Variants in CIMIP3 observed in about 807,000 individuals in gnomAD.
CIMIP3 encodes ciliary microtubule inner protein 3.
the CIMIP3 span, among the ~76,000 whole-genome samples, chr6:42,159,652 T>G: frequency 2.6e-5 from 4 of 152,206 alleles, no homozygotes; most frequent in African/African-American, 9.6e-5. Context: ...GCTAATCACC[T>G]GCCACCCAGC....
chr6:42,156,858 T>C, the CIMIP3 span, among the ~76,000 whole-genome samples: 45 of 152,332 alleles, frequency 3.0e-4, 1 homozygote, highest in East Asian at 6.4e-3. Context: ...CAAGGCACAT[T>C]GGACAGCACC....
At chr6:42,161,959 G>A in the CIMIP3 span, among the ~76,000 whole-genome samples, 2 of 152,050 alleles carry the variant, frequency 1.3e-5, no homozygotes, top group African/African-American at 4.8e-5. Flanking sequence ...AGCACGCAAG[G>A]CTGGGGAACA....
chr6:42,162,409 CTT>C, the CIMIP3 span, among the ~76,000 whole-genome samples: 26 of 134,754 alleles, frequency 1.9e-4, no homozygotes, highest in Admixed American at 3.1e-4. Context: ...GAGCGAAACT[CTT>C]TTTTTTTTTT....
the CIMIP3 span, among the ~76,000 whole-genome samples, chr6:42,160,610 G>C: frequency 6.6e-6 from 1 of 152,180 alleles, no homozygotes; most frequent in Non-Finnish European, 1.5e-5. Context: ...TTCAAAATGT[G>C]TGTGCCTGAC....
chr6:42,158,976 C>T, the CIMIP3 span, among the ~76,000 whole-genome samples: 17 of 152,190 alleles, frequency 1.1e-4, no homozygotes, highest in Admixed American at 8.5e-4. Flanking sequence ...CCCTCATCTT[C>T]ATGGCCCTTC....
At chr6:42,157,541 T>C in the CIMIP3 span, among the ~76,000 whole-genome samples, 3 of 150,916 alleles carry the variant, frequency 2.0e-5, no homozygotes, top group African/African-American at 4.9e-5. Context: ...TGAGCCATGG[T>C]GCCGGCTCTT....
At chr6:42,156,151 G>A in the CIMIP3 span, among the ~76,000 whole-genome samples, 13,854 of 151,768 alleles carry the variant, frequency 0.091, 730 homozygotes, top group East Asian at 0.25. Context: ...CTGCCACCAC[G>A]CCCGGCTAAT....
chr6:42,161,337 G>A, the CIMIP3 span, among the ~76,000 whole-genome samples: 2 of 152,292 alleles, frequency 1.3e-5, no homozygotes, highest in South Asian at 4.2e-4. Flanking sequence ...GGGCTGTGAG[G>A]CTGGGGGAGA....
At chr6:42,159,514 C>T in the CIMIP3 span, among the ~76,000 whole-genome samples, 1 of 152,126 alleles carries the variant, frequency 6.6e-6, no homozygotes, top group Non-Finnish European at 1.5e-5. Flanking sequence ...GTGTGTTGTT[C>T]TGTCCATGCA....
the CIMIP3 span, among the ~76,000 whole-genome samples, chr6:42,158,010 C>A: frequency 6.6e-6 from 1 of 152,304 alleles, no homozygotes; most frequent in East Asian, 1.9e-4. Context: ...GTAGCACCCA[C>A]CCCACACTGT....
chr6:42,157,488 G>C, the CIMIP3 span, among the ~76,000 whole-genome samples: 20 of 152,162 alleles, frequency 1.3e-4, no homozygotes, highest in African/African-American at 4.3e-4. Context: ...GGGCTCAAGT[G>C]ATCTGCCCAC....
At chr6:42,163,329 G>A in the CIMIP3 span, 3 of 455,976 alleles carry the variant, frequency 6.6e-6, no homozygotes, top group Non-Finnish European at 8.0e-6. Flanking sequence ...GCTGCTCACT[G>A]CAGGAGGAGT....
At chr6:42,155,519 C>T in the CIMIP3 span, 1 of 717,150 alleles carries the variant, frequency 1.4e-6, no homozygotes, top group East Asian at 2.7e-5. Context: ...GGAAGGTCAG[C>T]TCGGGGTCAC....
At chr6:42,158,454 CT>C in the CIMIP3 span, among the ~76,000 whole-genome samples, 1 of 152,216 alleles carries the variant, frequency 6.6e-6, no homozygotes. Context: ...CCTACCCCTG[CT>C]GCCCCCAGAG....
the CIMIP3 span, among the ~76,000 whole-genome samples, chr6:42,162,630 G>C: frequency 1.6e-3 from 242 of 151,724 alleles, 2 homozygotes; most frequent in South Asian, 0.018. Context: ...ATGCAGGGAA[G>C]GGGGGTGGGG....
At chr6:42,162,087 A>ATTT in the CIMIP3 span, among the ~76,000 whole-genome samples, 19 of 111,778 alleles carry the variant, frequency 1.7e-4, 1 homozygote, top group African/African-American at 6.1e-4. Flanking sequence ...TGGAAGCCAC[A>ATTT]TTCTTTTTTT....
At chr6:42,156,431 GAGCC>G in the CIMIP3 span, among the ~76,000 whole-genome samples, 1 of 151,374 alleles carries the variant, frequency 6.6e-6, no homozygotes, top group East Asian at 1.9e-4. Flanking sequence ...TTACAGGTGT[GAGCC>G]ACCGGGCCCT....
At chr6:42,156,771 C>T in the CIMIP3 span, among the ~76,000 whole-genome samples, 1 of 152,372 alleles carries the variant, frequency 6.6e-6, no homozygotes, top group South Asian at 2.1e-4. Context: ...CTCAAAGAGG[C>T]TCAGCCACTT....
chr6:42,162,330 G>T, the CIMIP3 span, among the ~76,000 whole-genome samples: 5 of 151,452 alleles, frequency 3.3e-5, no homozygotes, highest in Non-Finnish European at 7.4e-5. Context: ...CAGAAGAATC[G>T]CTTGAACCCA....
Sources: gnomAD v4.1 joint callset for allele counts (sites outside exome capture counted in the v4.1 genomes callset) on GRCh38, gnomAD v4.1.1 for gene constraint, MANE v1.5 for transcripts, NCBI Gene and HGNC (gene_info 2026-07-23, HGNC 2026-07-21) for gene names.